The following C11orf65 variants were observed in gnomAD, a reference collection of about 807,000 sequenced individuals.
C11orf65 encodes chromosome 11 open reading frame 65, also known as protein MFI.
C11orf65 carries 38 observed loss-of-function variants against 35.3 expected under a neutral mutation model. The observed-to-expected ratio is 1.08, with a 90% CI of 0.83 to 1.41. The LOEUF (loss-of-function observed/expected upper bound fraction) is 1.41. Ranked by LOEUF, C11orf65 falls within the 40% of genes most tolerant of loss-of-function variation. The pLI is 0.00. For missense variants in C11orf65, 370 were observed against 367.1 expected, an observed-to-expected ratio of 1.01 and a Z score of -0.06; for synonymous variants, 105 against 114.4, an observed-to-expected ratio of 0.92 and a Z score of 0.53.
intron 2 of C11orf65, among the ~76,000 whole-genome samples, chr11:108,356,451 G>A (rs1037347976): frequency 2.0e-5 from 3 of 150,800 alleles, no homozygotes; most frequent in Non-Finnish European, 2.9e-5. Flanking sequence ...CAGGAGAATC[G>A]CTTGAACCCA....
intron 2 of C11orf65, chr11:108,353,913 T>G: frequency 6.3e-7 from 1 of 1,576,920 alleles, no homozygotes; most frequent in Non-Finnish European, 8.7e-7. Flanking sequence ...GGGAAATAAT[T>G]TTTGATGTCA....
chr11:108,371,466 A>G (rs984824368), intron 2 of C11orf65, among the ~76,000 whole-genome samples: 2 of 152,202 alleles, frequency 1.3e-5, no homozygotes, highest in Non-Finnish European at 2.9e-5. Flanking sequence ...TGTACCTTTT[A>G]TAAGTAGAAT....
chr11:108,373,787 C>CA (rs1437039782), intron 2 of C11orf65, among the ~76,000 whole-genome samples: 1 of 152,244 alleles, frequency 6.6e-6, no homozygotes, highest in African/African-American at 2.4e-5. Flanking sequence ...AAAGGGGTGA[C>CA]AGACGGCACC....
chr11:108,445,176 G>A (rs961516552), intron 2 of C11orf65, among the ~76,000 whole-genome samples: 5 of 152,182 alleles, frequency 3.3e-5, no homozygotes, highest in Non-Finnish European at 1.5e-5. Flanking sequence ...CCACCTCTGG[G>A]GGAAGGGCAC....
intron 2 of C11orf65, chr11:108,346,410 A>C (rs988166293): frequency 6.5e-6 from 1 of 153,178 alleles, no homozygotes; most frequent in Non-Finnish European, 1.5e-5. Flanking sequence ...TTTTTCCCTA[A>C]GAAATTAGAA....
rs185355899 is a variant in C11orf65 at position 108,391,780 on chromosome 11, C to T, written c.731+1428G>A. ...CAGTTAATTCTCCACCCCCAGGAAA[C>T]CACTAATCTATTTTCTGTCTCTATA... is the stretch of plus-strand genomic sequence containing the variant. On this transcript the variant is annotated intron_variant, in intron 7 of 8. Transcript: ENST00000393084. 2.6e-3 allele frequency among the ~76,000 whole-genome samples: 384 copies of T among 149,276 alleles called. 3 individuals carry two copies. Among genetic ancestry groups the T allele is most frequent in the African/African-American group, 9.2e-3 (371 of 40,540 alleles).
At chr11:108,391,516 T>C (rs1433861309) in intron 7 of C11orf65, among the ~76,000 whole-genome samples, 2 of 152,132 alleles carry the variant, frequency 1.3e-5, no homozygotes, top group Non-Finnish European at 2.9e-5. Context: ...ATAGCTGGGA[T>C]TACAGGTGCC....
intron 2 of C11orf65, among the ~76,000 whole-genome samples, chr11:108,444,832 G>A (rs1332074789): frequency 6.6e-6 from 1 of 152,184 alleles, no homozygotes; most frequent in African/African-American, 2.4e-5. Flanking sequence ...AGCGCAAGGG[G>A]TCAGGGAGTT....
At chr11:108,414,258 C>A (rs905136525) in intron 3 of C11orf65, among the ~76,000 whole-genome samples, 3 of 151,858 alleles carry the variant, frequency 2.0e-5, no homozygotes, top group Non-Finnish European at 4.4e-5. Context: ...ACTTTATTGT[C>A]ATGATGATGG....
At position 108,440,250 on chromosome 11, in the gene C11orf65, A is replaced by G. The variant is rs1000871808; in HGVS notation, c.82-8412T>C. On this transcript the variant is annotated intron_variant, in intron 2 of 8. Coordinates refer to ENST00000393084, the MANE Select transcript of C11orf65 (RefSeq NM_152587.5). ...GAATATATAGCTGTTCTAATCATCT[A>G]TTACTGTGTAGTAAAGTACCTCAAA... Among the ~76,000 whole-genome samples, 3 of 152,220 alleles carry G rather than the reference A, an allele frequency of 2.0e-5. No homozygotes were observed. The East Asian group carries it at 5.8e-4, about 29-fold the overall frequency.
At chr11:108,439,140 T>C (rs2093111713) in intron 2 of C11orf65, among the ~76,000 whole-genome samples, 1 of 152,094 alleles carries the variant, frequency 6.6e-6, no homozygotes. Flanking sequence ...CAACAACAAA[T>C]GCAAAACAAC....
intron 2 of C11orf65, among the ~76,000 whole-genome samples, chr11:108,448,586 C>A (rs938632479): frequency 2.0e-5 from 3 of 152,128 alleles, no homozygotes; most frequent in Non-Finnish European, 4.4e-5. Context: ...ATTCAACAAC[C>A]CTTCATGCTA....
At chr11:108,403,420 G>A (rs6589015) in intron 6 of C11orf65, among the ~76,000 whole-genome samples, 1 of 119,682 alleles carries the variant, frequency 8.4e-6, no homozygotes, top group Non-Finnish European at 1.6e-5. Flanking sequence ...TTTTTTTTTT[G>A]TTTTTTTTTT....
At chr11:108,343,611 C>T (rs1317895163) in intron 2 of C11orf65, among the ~76,000 whole-genome samples, 2 of 152,136 alleles carry the variant, frequency 1.3e-5, no homozygotes, top group Non-Finnish European at 2.9e-5. Context: ...TCAATGTGTG[C>T]TGATTTGTTT....
intron 6 of C11orf65, chr11:108,321,504 C>T (rs552841703): frequency 4.5e-5 from 71 of 1,585,834 alleles, no homozygotes; most frequent in East Asian, 6.8e-5. Flanking sequence ...AACTATAGGC[C>T]GGGCACGGTG....
chr11:108,400,957 A>G (rs2092427925), intron 6 of C11orf65, among the ~76,000 whole-genome samples: 1 of 152,056 alleles, frequency 6.6e-6, no homozygotes. Context: ...ATACAAAAAA[A>G]AATTAGCCAG....
intron 2 of C11orf65, among the ~76,000 whole-genome samples, chr11:108,353,155 AT>A (rs540346489): frequency 0.016 from 2,360 of 147,316 alleles, 51 homozygotes; most frequent in African/African-American, 0.05. Flanking sequence ...AATGTCATTA[AT>A]TTTTTTTTTT....
At chr11:108,317,262 AT>A in intron 6 of C11orf65, 1 of 1,160,666 alleles carries the variant, frequency 8.6e-7, no homozygotes, top group Non-Finnish European at 1.2e-6. Flanking sequence ...TTTAAATGAT[AT>A]TGTGAACTAA....
chr11:108,461,001 A>G (rs1046488889), intron 2 of C11orf65, among the ~76,000 whole-genome samples: 9 of 152,058 alleles, frequency 5.9e-5, no homozygotes, highest in Non-Finnish European at 1.3e-4. Context: ...CTGGGATTAC[A>G]GTCGTGAGCC....
Sources: gnomAD v4.1 joint callset for allele counts (sites outside exome capture counted in the v4.1 genomes callset) on GRCh38, gnomAD v4.1.1 for gene constraint, MANE v1.5 for transcripts, NCBI Gene and HGNC (gene_info 2026-07-23, HGNC 2026-07-21) for gene names.